The following ARHGEF26 variants were observed in gnomAD, a reference collection of about 807,000 sequenced individuals.
The protein encoded by ARHGEF26 is Rho guanine nucleotide exchange factor (GEF) 26.
Under a neutral mutation model 89.4 loss-of-function variants are expected in ARHGEF26, and 59 were observed. The observed-to-expected ratio is 0.66, with a 90% CI of 0.54 to 0.82. The LOEUF (loss-of-function observed/expected upper bound fraction) is 0.82. Ranked by LOEUF, ARHGEF26 falls within the 40% of genes least tolerant of loss-of-function variation. The pLI, the probability that ARHGEF26 is intolerant of heterozygous loss-of-function variation, is 0.00. For synonymous variants in ARHGEF26, 500 were observed against 428.4 expected, an observed-to-expected ratio of 1.17 and a Z score of -2.06; for missense variants, 1,234 against 1,085.6, an observed-to-expected ratio of 1.14 and a Z score of -1.92.
At chr3:154,125,973 A>T (rs1327867991) in intron 3 of ARHGEF26, among the ~76,000 whole-genome samples, 1 of 152,148 alleles carries the variant, frequency 6.6e-6, no homozygotes, top group African/African-American at 2.4e-5. Context: ...CCTTAATATC[A>T]CAGGGACCTC....
chr3:154,123,840 GA>G (rs1053773063), intron 2 of ARHGEF26, among the ~76,000 whole-genome samples: 10 of 152,114 alleles, frequency 6.6e-5, no homozygotes, highest in Non-Finnish European at 1.3e-4. Context: ...ATGACATAAA[GA>G]AACAGGGAAA....
chr3:154,241,855 A>T (rs1186867341), intron 12 of ARHGEF26, among the ~76,000 whole-genome samples: 1 of 152,218 alleles, frequency 6.6e-6, no homozygotes, highest in Admixed American at 6.5e-5. Context: ...AATGAATCTT[A>T]TCAGATATTG....
intron 6 of ARHGEF26, among the ~76,000 whole-genome samples, chr3:154,155,494 G>A (rs1349555675): frequency 6.6e-6 from 1 of 151,880 alleles, no homozygotes; most frequent in Non-Finnish European, 1.5e-5. Context: ...GCTGTTAGAG[G>A]CATCTTATCT....
rs1715763675 is a variant in ARHGEF26, at chr3:154,216,598, T to C, written c.1846-1271T>C. Among the ~76,000 whole-genome samples, 4 of 141,760 alleles carry C rather than the reference T, an allele frequency of 2.8e-5. No homozygotes were observed. In the South Asian group the frequency reaches 9.7e-4, roughly 34 times the overall value. The allele number at this position is 141,760 out of a possible 152,430, so 93.0% of individuals were successfully genotyped here. A position where few individuals can be genotyped will look rare whatever the true frequency, so the allele number is the denominator to read the frequency against. On this transcript the variant is annotated intron_variant, in intron 9 of 14. Coordinates refer to ENST00000465093, the MANE Select transcript of ARHGEF26 (RefSeq NM_015595.4). Reference sequence around the variant, plus strand: ...GTGCACATTGTGCAGGTTAGTTACATATGTATACATGTGCCATGCTGGTAC... The same window carrying C: ...GTGCACATTGTGCAGGTTAGTTACACATGTATACATGTGCCATGCTGGTAC...
chr3:154,150,166 A>G (rs1429601553), intron 5 of ARHGEF26, among the ~76,000 whole-genome samples: 1 of 147,562 alleles, frequency 6.8e-6, no homozygotes, highest in Non-Finnish European at 1.5e-5. Context: ...GGCATAGAAT[A>G]AAGTGAAATA....
rs1324893189 is a variant in ARHGEF26 at position 154,128,009 on chromosome 3, G to T, written c.1124-1565G>T. ...TAGCTCTGTAGCTTCTCAGCTTTCA[G>T]ACCTTAGACTTTCCTCATTGACCAA... On this transcript the variant is annotated intron_variant, in intron 3 of 14. Transcript: ENST00000465093. Among the ~76,000 whole-genome samples the T allele has an allele frequency of 2.6e-5, 4 of 152,088 alleles. No homozygotes were observed. In the East Asian group the frequency reaches 7.7e-4, roughly 29 times the overall value.
At chr3:154,149,486 T>C (rs1427548411) in intron 5 of ARHGEF26, 41 bp downstream of exon 5, 4 of 1,531,230 alleles carry the variant, frequency 2.6e-6, no homozygotes, top group Non-Finnish European at 3.5e-6. Flanking sequence ...CTCTGGAGTG[T>C]GCATGTCGGT....
intron 4 of ARHGEF26, among the ~76,000 whole-genome samples, chr3:154,136,509 A>G (rs1397065448): frequency 6.6e-6 from 1 of 152,158 alleles, no homozygotes; most frequent in Non-Finnish European, 1.5e-5. Flanking sequence ...TATTATAAAT[A>G]TCATTTCATT....
At chr3:154,166,365 T>C (rs1163774850) in intron 6 of ARHGEF26, among the ~76,000 whole-genome samples, 2 of 152,136 alleles carry the variant, frequency 1.3e-5, no homozygotes, top group African/African-American at 4.8e-5. Flanking sequence ...TTATTTTTAA[T>C]GTGGGAAAGA....
At position 154,253,126 on chromosome 3, in the gene ARHGEF26, G is replaced by A. The variant is rs543546384; in HGVS notation, c.2311G>A (p.Ala771Thr). The stretch of plus-strand genomic sequence containing the variant: ...TGCCCTCTGTTTTAGGAGCGAGCGA[G>A]CCCGCTGGATAACTGCCCTGGGACA... The part of the protein sequence containing the change: ...LLGAETQSER[A>T]RWITALGHSS... The change falls in exon 13 of 15, where the codon GCC becomes ACC. Residue 771 changes from alanine to threonine, a missense_variant. Physicochemically the swap from Ala to Thr is moderately conservative, Grantham distance 58. Transcript: ENST00000465093. 3 of 1,614,018 alleles carry A rather than the reference G, an allele frequency of 1.9e-6. No homozygotes were observed. Among genetic ancestry groups the A allele is most frequent in the Middle Eastern group, 1.6e-4 (1 of 6,062 alleles).
intron 9 of ARHGEF26, among the ~76,000 whole-genome samples, chr3:154,195,115 A>G (rs768751255): frequency 2.0e-5 from 3 of 152,198 alleles, no homozygotes; most frequent in Non-Finnish European, 4.4e-5. Flanking sequence ...CAGACATTAA[A>G]CAGAGTTACA....
At chr3:154,235,601 C>T (rs1332005071) in intron 11 of ARHGEF26, among the ~76,000 whole-genome samples, 1 of 152,164 alleles carries the variant, frequency 6.6e-6, no homozygotes, top group Non-Finnish European at 1.5e-5. Context: ...GTGATGATAG[C>T]TGTCATATCT....
At chr3:154,213,216 A>T (rs1016257154) in intron 9 of ARHGEF26, among the ~76,000 whole-genome samples, 1,578 of 142,020 alleles carry the variant, frequency 0.011, 28 homozygotes, top group African/African-American at 0.037. Context: ...AGAGAGAGAG[A>T]GTGTGTGTGT....
At position 154,256,364 on chromosome 3, in the gene ARHGEF26, A is replaced by AAGAGT. The variant is rs1199324314; in HGVS notation, c.*893_*897dup. 5.1e-6 allele frequency: 4 copies of AAGAGT among 791,376 alleles called. No individual in the cohort carries two copies. The highest frequency in any genetic ancestry group is 6.1e-6 in the Non-Finnish European group (4 of 654,376). The allele number at this position is 791,376 out of a possible 1,614,324, so 49.0% of individuals were successfully genotyped here. A position where few individuals can be genotyped will look rare whatever the true frequency, so the allele number is the denominator to read the frequency against. On this transcript the variant is annotated 3_prime_UTR_variant, in exon 15 of 15. Coordinates refer to ENST00000465093, the MANE Select transcript of ARHGEF26 (RefSeq NM_015595.4). ...CAGCCTCCCAAGTAGCTGGGATTGT[A>AAGAGT]AGAGTATGCCACCACGCCCAGCTAC...
intron 12 of ARHGEF26, among the ~76,000 whole-genome samples, chr3:154,251,909 T>C (rs1341692622): frequency 6.6e-6 from 1 of 152,206 alleles, no homozygotes; most frequent in Non-Finnish European, 1.5e-5. Flanking sequence ...CACAGAGCTG[T>C]ACACGCTTAT....
chr3:154,250,190 C>G (rs1718045680), intron 12 of ARHGEF26, among the ~76,000 whole-genome samples: 1 of 152,138 alleles, frequency 6.6e-6, no homozygotes, highest in African/African-American at 2.4e-5. Context: ...CCACCACGCC[C>G]AGCTAATTTT....
chr3:154,197,854 A>G (rs565635750), intron 9 of ARHGEF26, among the ~76,000 whole-genome samples: 2 of 152,214 alleles, frequency 1.3e-5, no homozygotes, highest in South Asian at 4.1e-4. Flanking sequence ...ATCTAGAGTG[A>G]TGTGTACCAT....
Position 154,152,783 on chromosome 3 carries a change from A to G in ARHGEF26, c.1338A>G (p.Glu446=). The change falls in exon 6 of 15, where the codon GAA becomes GAG. Residue 446 remains glutamate (E), a synonymous_variant. Transcript: ENST00000465093. Reference sequence around the variant, plus strand: ...TTCCTTCTTACCAGGCTATCTTTGAAGTCATATCCTCTGAACATTCATATT... The same window carrying G: ...TTCCTTCTTACCAGGCTATCTTTGAGGTCATATCCTCTGAACATTCATATT... ...EERKRQEAIF[E]VISSEHSYLL... is the part of the protein sequence containing the mutation. The G allele has an allele frequency of 6.6e-7, 1 of 1,503,954 alleles. No homozygotes were observed. Among genetic ancestry groups the G allele is most frequent in the South Asian group, 1.4e-5 (1 of 71,218 alleles). The allele number at this position is 1,503,954 out of a possible 1,614,324, so 93.2% of individuals were successfully genotyped here.
At chr3:154,246,729 T>C (rs1399603803) in intron 12 of ARHGEF26, among the ~76,000 whole-genome samples, 1 of 152,140 alleles carries the variant, frequency 6.6e-6, no homozygotes, top group African/African-American at 2.4e-5. Flanking sequence ...GGAGTCCCGA[T>C]GTTGGCTTGG....
Sources: allele counts gnomAD v4.1 joint callset (sites outside exome capture counted in the v4.1 genomes callset), GRCh38; gene constraint gnomAD v4.1.1; transcripts MANE v1.5; gene names NCBI Gene and HGNC (gene_info 2026-07-23, HGNC 2026-07-21).